Variants in CUX1 observed in about 807,000 individuals in gnomAD.
The protein encoded by CUX1 is protein CASP.
A neutral mutation model predicts 158.8 loss-of-function variants in CUX1; 31 were observed. That is an observed-to-expected ratio of 0.20 (90% CI 0.15 to 0.26). CUX1 has a LOEUF of 0.26. CUX1 is among the 10% of genes least tolerant of loss of function. The probability of loss-of-function intolerance (pLI) is 1.00; values close to 1 mark genes in which losing one functional copy is unlikely to be tolerated. For synonymous variants in CUX1, 879 were observed against 862.1 expected (o/e 1.02, Z -0.34); for missense variants, 1,589 against 2,014.6 (o/e 0.79, Z 4.04).
chr7:101,855,573 C>T lies in CUX1; in HGVS notation c.30+37904C>T, dbSNP rs535763471. On this transcript the variant is annotated intron_variant, in intron 1 of 23. Coordinates refer to ENST00000292535, the MANE Select transcript of CUX1 (RefSeq NM_181552.4). ...CATTTTGGTACTTTCTCTGTGTTCTCCCCATGTGTTAAAAAGCAGCTTAAG... is the reference window on the plus strand; with the variant it reads ...CATTTTGGTACTTTCTCTGTGTTCTTCCCATGTGTTAAAAAGCAGCTTAAG... Among the ~76,000 whole-genome samples the T allele has an allele frequency of 3.9e-3, 588 of 152,234 alleles. 2 individuals are homozygous for T. The highest frequency in any genetic ancestry group is 6.1e-3 in the Non-Finnish European group (417 of 68,018).
At chr7:101,931,860 T>G (rs1199773192) in intron 2 of CUX1, among the ~76,000 whole-genome samples, 1 of 152,208 alleles carries the variant, frequency 6.6e-6, no homozygotes, top group Non-Finnish European at 1.5e-5. Flanking sequence ...AATTCTTATT[T>G]TTTAGATGGA....
intron 4 of CUX1, among the ~76,000 whole-genome samples, chr7:102,072,975 C>T (rs1826291037): frequency 6.6e-6 from 1 of 151,968 alleles, no homozygotes; most frequent in South Asian, 2.1e-4. Context: ...GAAGGTTCTG[C>T]TCCATTCTAT....
At chr7:101,820,656 CAGAG>C (rs1372271771) in intron 1 of CUX1, among the ~76,000 whole-genome samples, 3 of 152,202 alleles carry the variant, frequency 2.0e-5, no homozygotes, top group Non-Finnish European at 2.9e-5. Flanking sequence ...GTTATCGCTG[CAGAG>C]AGAGAGTTTT....
chr7:102,218,501 T>C (rs1316660328), intron 20 of CUX1, among the ~76,000 whole-genome samples: 10 of 151,420 alleles, frequency 6.6e-5, no homozygotes, highest in African/African-American at 2.2e-4. Flanking sequence ...CTGGGCAACA[T>C]AGTGAGACCC....
intron 1 of CUX1, among the ~76,000 whole-genome samples, chr7:101,872,641 A>G (rs1048446112): frequency 3.9e-5 from 6 of 151,996 alleles, no homozygotes; most frequent in Admixed American, 3.9e-4. Flanking sequence ...AAATATTACG[A>G]AAAAATAAAG....
In CUX1 at chr7:102,253,586, T is replaced by TA. The variant is rs1554540914; in HGVS notation, c.*4545dup. On this transcript the variant is annotated 3_prime_UTR_variant, in exon 24 of 24. Transcript: ENST00000292535. The stretch of plus-strand genomic sequence containing the variant: ...CCTCTGATTTTAGCAAAGCAAATCT[T>TA]ACTGAAAAATAGCAGAGCCAGGGGA... 1.0e-6 allele frequency: 1 copy of TA among 985,332 alleles called. No individual in the cohort carries two copies. The highest frequency in any genetic ancestry group is 1.7e-5 in the African/African-American group (1 of 57,244). 61.0% of individuals were successfully genotyped at this position (985,332 alleles called of 1,614,324 possible).
At position 102,280,711 on chromosome 7, in the gene CUX1, G is replaced by T. The variant is rs1320938036; in HGVS notation, c.1765-93G>T. The T allele has an allele frequency of 3.8e-6, 5 of 1,315,028 alleles. No individual in the cohort carries two copies. The African/African-American group carries it at 7.2e-5, about 19-fold the overall frequency. The allele number at this position is 1,315,028 out of a possible 1,614,324, so 81.5% of individuals were successfully genotyped here. ...GGGGTCTGCAAGAACAGCGGGCAGG[G>T]TGTCCTGTGGCTGGCCAGGCCCTGC... On this transcript the variant is annotated intron_variant, in intron 19 of 22. Coordinates refer to the CUX1 transcript ENST00000292538.
At chr7:102,177,136 G>A (rs1488174546) in intron 10 of CUX1, among the ~76,000 whole-genome samples, 2 of 151,598 alleles carry the variant, frequency 1.3e-5, no homozygotes, top group East Asian at 1.9e-4. Flanking sequence ...AATACTGGCC[G>A]GGCACAGTGG....
chr7:102,158,650 G>C lies in CUX1; in HGVS notation c.723+42G>C, dbSNP rs367647577. Reference sequence around the variant, plus strand: ...TTTTAGTCCTAAAACCCACAATAGCGGGCCCGTTTCTGGCATCTCGGAAGA... The same window carrying C: ...TTTTAGTCCTAAAACCCACAATAGCCGGCCCGTTTCTGGCATCTCGGAAGA... On this transcript the variant is annotated intron_variant, in intron 9 of 23. Coordinates refer to ENST00000292535, the MANE Select transcript of CUX1 (RefSeq NM_181552.4). 2.4e-5 allele frequency: 38 copies of C among 1,597,018 alleles called. No individual in the cohort carries two copies. The African/African-American group carries it at 3.6e-4, about 15-fold the overall frequency.
chr7:102,185,400 A>AGGTT (rs1315524209), intron 11 of CUX1, among the ~76,000 whole-genome samples: 19 of 152,004 alleles, frequency 1.2e-4, no homozygotes, highest in African/African-American at 3.4e-4. Context: ...CTGGGTGGGT[A>AGGTT]GGTTGGTTGG....
intron 18 of CUX1, among the ~76,000 whole-genome samples, chr7:102,202,438 T>C (rs1554520092): frequency 2.6e-5 from 4 of 152,194 alleles, no homozygotes; most frequent in Non-Finnish European, 4.4e-5. Context: ...ACCTGCATGC[T>C]GCCCTTTCGA....
chr7:101,977,165 G>A lies in CUX1; in HGVS notation c.142-50933G>A, dbSNP rs1336941090. ...TGACCTCAGGTGATCCTCCCGCCTCGGCCTCCCAAAGTGCTAGGATTACAG... is the reference window on the plus strand; with the variant it reads ...TGACCTCAGGTGATCCTCCCGCCTCAGCCTCCCAAAGTGCTAGGATTACAG... On this transcript the variant is annotated intron_variant, in intron 2 of 23. Coordinates refer to ENST00000292535, the MANE Select transcript of CUX1 (RefSeq NM_181552.4). Among the ~76,000 whole-genome samples the A allele has an allele frequency of 2.0e-5, 3 of 151,816 alleles. 1 individual carries two copies. Among genetic ancestry groups the A allele is most frequent in the Admixed American group, 6.6e-5 (1 of 15,234 alleles).
chr7:102,145,221 A>G (rs1554501675), intron 8 of CUX1, among the ~76,000 whole-genome samples: 3 of 150,754 alleles, frequency 2.0e-5, no homozygotes, highest in Non-Finnish European at 4.4e-5. Context: ...CTTGCAATGT[A>G]TTTGTGCTAG....
At chr7:101,955,788 TG>T (rs1324019356) in intron 2 of CUX1, among the ~76,000 whole-genome samples, 1 of 152,196 alleles carries the variant, frequency 6.6e-6, no homozygotes, top group Non-Finnish European at 1.5e-5. Flanking sequence ...CCTAGGGATT[TG>T]TAGCCACCTT....
chr7:101,836,671 C>T (rs1029283854), intron 1 of CUX1, among the ~76,000 whole-genome samples: 3 of 124,530 alleles, frequency 2.4e-5, no homozygotes, highest in African/African-American at 6.6e-5. Flanking sequence ...CTGAGAGCAG[C>T]GAGACTCCTT....
intron 2 of CUX1, among the ~76,000 whole-genome samples, chr7:101,942,554 C>T (rs1375108916): frequency 6.6e-6 from 1 of 152,104 alleles, no homozygotes; most frequent in Admixed American, 6.5e-5. Flanking sequence ...CTTCAACCTC[C>T]TGGGCTTCAG....
chr7:102,011,251 T>G (rs1254506064), intron 2 of CUX1, among the ~76,000 whole-genome samples: 1 of 152,126 alleles, frequency 6.6e-6, no homozygotes, highest in African/African-American at 2.4e-5. Context: ...CACACCAAAT[T>G]GTGGCCAAGC....
chr7:102,233,481 T>C (rs1799210721), intron 21 of CUX1, among the ~76,000 whole-genome samples: 2 of 152,140 alleles, frequency 1.3e-5, no homozygotes, highest in African/African-American at 4.8e-5. Flanking sequence ...CGCACCAGGC[T>C]GAAGGCTTAA....
chr7:102,099,814 T>C (rs1554485782), intron 5 of CUX1, among the ~76,000 whole-genome samples: 1 of 152,068 alleles, frequency 6.6e-6, no homozygotes, highest in African/African-American at 2.4e-5. Flanking sequence ...TGTGCAGGAT[T>C]GTCCTTCCCT....
Sources: allele counts gnomAD v4.1 joint callset (sites outside exome capture counted in the v4.1 genomes callset), GRCh38; gene constraint gnomAD v4.1.1; transcripts MANE v1.5; gene names NCBI Gene and HGNC (gene_info 2026-07-23, HGNC 2026-07-21).